CUTC: variants seen among roughly 807,000 people sequenced by gnomAD.
CUTC encodes cutC copper transporter, also known as copper homeostasis protein cutC homolog.
A neutral mutation model predicts 36.2 loss-of-function variants in CUTC; 27 were observed. That is an observed-to-expected ratio of 0.75 (90% CI 0.55 to 1.03). The LOEUF is 1.03. Among genes scored for constraint, CUTC ranks in the 50% least tolerant of loss-of-function variants. The probability of loss-of-function intolerance (pLI) is 0.00; values close to 1 mark genes in which losing one functional copy is unlikely to be tolerated. For missense variants in CUTC, 315 were observed against 343.5 expected (o/e 0.92, Z 0.66); for synonymous variants, 114 against 118.3 (o/e 0.96, Z 0.24).
At chr10:99,754,881 A>G (rs1175432714) in intron 8 of CUTC, among the ~76,000 whole-genome samples, 1 of 152,224 alleles carries the variant, frequency 6.6e-6, no homozygotes, top group Non-Finnish European at 1.5e-5. Flanking sequence ...AGACCAGTTA[A>G]TAGTAAACAA....
intron 6 of CUTC, among the ~76,000 whole-genome samples, chr10:99,748,819 A>G (rs1399737375): frequency 6.6e-6 from 1 of 152,236 alleles, no homozygotes; most frequent in Admixed American, 6.5e-5. Context: ...TGTTCCATAC[A>G]AAACAAATAG....
chr10:99,736,912 A>G (rs1363510916), intron 2 of CUTC, among the ~76,000 whole-genome samples: 11 of 152,232 alleles, frequency 7.2e-5, no homozygotes, highest in Non-Finnish European at 1.0e-4. Context: ...CATAGTATAT[A>G]TATTTTCAGC....
At chr10:99,751,954 C>T (rs541860044) in intron 7 of CUTC, among the ~76,000 whole-genome samples, 14 of 152,300 alleles carry the variant, frequency 9.2e-5, no homozygotes, top group East Asian at 1.9e-4. Flanking sequence ...GCTTGTTCCT[C>T]GTGCCTCTGT....
chr10:99,752,755 C>A (rs1389798214), intron 7 of CUTC, among the ~76,000 whole-genome samples: 1 of 152,168 alleles, frequency 6.6e-6, no homozygotes, highest in Non-Finnish European at 1.5e-5. Flanking sequence ...TGATTAATTT[C>A]TTTAACAAAC....
intron 7 of CUTC, among the ~76,000 whole-genome samples, chr10:99,751,738 A>T (rs2037419934): frequency 6.6e-6 from 1 of 152,164 alleles, no homozygotes; most frequent in Non-Finnish European, 1.5e-5. Context: ...TGTGCCTGTA[A>T]TCCCAGCTAC....
intron 8 of CUTC, among the ~76,000 whole-genome samples, chr10:99,755,380 GAAAAAA>G (rs386372234): frequency 8.2e-6 from 1 of 122,006 alleles, no homozygotes; most frequent in Non-Finnish European, 1.7e-5. Context: ...ATTTAAAAAG[GAAAAAA>G]AAAAAAAAAA....
At position 99,743,286 on chromosome 10, in the gene CUTC, T is replaced by TG. The variant is rs2037353607; in HGVS notation, c.329dup (p.Ala111CysfsTer2). 1 of 1,614,092 alleles carries TG rather than the reference T, an allele frequency of 6.2e-7. No homozygotes were observed. Among genetic ancestry groups the TG allele is most frequent in the South Asian group, 1.1e-5 (1 of 91,088 alleles). ...CTGACATTCGTCTTGCCAAGCTTTA[T>TG]GGTGCTGATGGTTTGGTTTTTGGGG... is the stretch of plus-strand genomic sequence containing the variant. On this transcript the variant is annotated frameshift_variant, in exon 4 of 9. Coordinates refer to ENST00000370476, the MANE Select transcript of CUTC (RefSeq NM_015960.3). LOFTEE classifies it high-confidence loss of function.
chr10:99,748,728 C>G (rs1435275022), intron 6 of CUTC, among the ~76,000 whole-genome samples: 1 of 152,144 alleles, frequency 6.6e-6, no homozygotes, highest in Admixed American at 6.5e-5. Context: ...CAGTGTTTTA[C>G]TCATTTGAAG....
chr10:99,743,134 C>A lies in CUTC; in HGVS notation c.194-19C>A. On this transcript the variant is annotated intron_variant, in intron 3 of 8. Coordinates refer to ENST00000370476, the MANE Select transcript of CUTC (RefSeq NM_015960.3). ...TTTTAGCTCACATTTGAATTTTAAT[C>A]TGCTTTCTTTTCTTGTAGGTGTCCT... 6.2e-7 allele frequency: 1 copy of A among 1,610,650 alleles called. No individual in the cohort carries two copies. The highest frequency in any genetic ancestry group is 8.5e-7 in the Non-Finnish European group (1 of 1,177,138).
At chr10:99,740,604 G>C (rs147650901) in intron 3 of CUTC, among the ~76,000 whole-genome samples, 1 of 152,014 alleles carries the variant, frequency 6.6e-6, no homozygotes, top group East Asian at 1.9e-4. Context: ...TGGTGTACCT[G>C]AGTATAGTTT....
intron 2 of CUTC, among the ~76,000 whole-genome samples, chr10:99,736,967 TC>T (rs753269627): frequency 3.2e-4 from 49 of 152,106 alleles, no homozygotes; most frequent in Admixed American, 1.2e-3. Context: ...TATTTTTAAA[TC>T]TTTTGAAAAT....
chr10:99,755,341 T>A (rs1409547824), intron 8 of CUTC, among the ~76,000 whole-genome samples: 1 of 140,574 alleles, frequency 7.1e-6, no homozygotes, highest in Non-Finnish European at 1.5e-5. Context: ...TACAAAAAAA[T>A]TAGCTGGGCG....
intron 5 of CUTC, among the ~76,000 whole-genome samples, chr10:99,744,561 G>T (rs2037364815): frequency 6.6e-6 from 1 of 152,172 alleles, no homozygotes; most frequent in African/African-American, 2.4e-5. Context: ...ATCTGGAGAA[G>T]AATTGGGTCT....
chr10:99,734,361 C>T (rs143772909), intron 1 of CUTC, among the ~76,000 whole-genome samples: 1,737 of 152,260 alleles, frequency 0.011, 19 homozygotes, highest in Non-Finnish European at 0.016. Flanking sequence ...GCCACCGCGC[C>T]GGACAGGGAC....
intron 3 of CUTC, among the ~76,000 whole-genome samples, chr10:99,740,197 GA>G (rs1211188431): frequency 2.0e-5 from 3 of 152,078 alleles, no homozygotes; most frequent in African/African-American, 4.8e-5. Context: ...TAAATAATAA[GA>G]AAAAAATCAT....
chr10:99,742,369 C>T (rs541646739), intron 3 of CUTC, among the ~76,000 whole-genome samples: 1 of 152,066 alleles, frequency 6.6e-6, no homozygotes, highest in South Asian at 2.1e-4. Context: ...ACACAACAGC[C>T]CTTTGGAATC....
intron 7 of CUTC, among the ~76,000 whole-genome samples, chr10:99,751,107 A>G (rs1253126965): frequency 6.6e-6 from 1 of 152,194 alleles, no homozygotes; most frequent in Non-Finnish European, 1.5e-5. Context: ...CATTTTGCCA[A>G]ATTTGTCTCA....
chr10:99,744,831 A>G (rs541965756), intron 5 of CUTC, among the ~76,000 whole-genome samples: 3 of 152,072 alleles, frequency 2.0e-5, no homozygotes, highest in Non-Finnish European at 2.9e-5. Context: ...CCGGCTCACT[A>G]CAACCTCTGC....
intron 1 of CUTC, 183 bp downstream of exon 1, chr10:99,732,592 G>C (rs1482964351): frequency 1.4e-6 from 2 of 1,435,944 alleles, no homozygotes. Context: ...CGAGGGGCAG[G>C]TAGCGAGAAT....
Sources: allele counts gnomAD v4.1 joint callset (sites outside exome capture counted in the v4.1 genomes callset), GRCh38; gene constraint gnomAD v4.1.1; transcripts MANE v1.5; gene names NCBI Gene and HGNC (gene_info 2026-07-23, HGNC 2026-07-21).